Variants in TBC1D31 observed in about 807,000 individuals in gnomAD.
The protein encoded by TBC1D31 is TBC1 domain family member 31, also known as WD repeat domain 67.
In TBC1D31, 99 loss-of-function variants were observed where a neutral mutation model predicts 132.9. The observed-to-expected ratio is 0.74, with a 90% CI of 0.63 to 0.88. The LOEUF is 0.88. TBC1D31 is among the 40% of genes least tolerant of loss of function. The pLI is 0.00. For synonymous variants in TBC1D31, 385 were observed against 419.4 expected (o/e 0.92, Z 1.00); for missense variants, 1,134 against 1,256.6 (o/e 0.90, Z 1.48).
At chr8:123,108,714 C>T (rs1818172365) in intron 8 of TBC1D31, among the ~76,000 whole-genome samples, 1 of 152,110 alleles carries the variant, frequency 6.6e-6, no homozygotes, top group Non-Finnish European at 1.5e-5. Flanking sequence ...TTCACACTGC[C>T]ATAAAGAATA....
At chr8:123,141,866 T>C (rs1323362306) in intron 18 of TBC1D31, among the ~76,000 whole-genome samples, 2 of 137,896 alleles carry the variant, frequency 1.5e-5, no homozygotes, top group African/African-American at 5.6e-5. Flanking sequence ...TTTTTTTTTT[T>C]TTTTTTTTTG....
intron 6 of TBC1D31, among the ~76,000 whole-genome samples, chr8:123,100,484 G>A (rs1430792914): frequency 6.6e-6 from 1 of 152,072 alleles, no homozygotes; most frequent in Non-Finnish European, 1.5e-5. Context: ...GGTGAGGCTG[G>A]AGAATTGCTT....
the TBC1D31 span, among the ~76,000 whole-genome samples, chr8:123,161,663 AC>A: frequency 6.6e-6 from 1 of 152,200 alleles, no homozygotes; most frequent in South Asian, 2.1e-4. Context: ...AGACGTAATT[AC>A]CAGTGTATGT....
the TBC1D31 span, among the ~76,000 whole-genome samples, chr8:123,161,740 G>A: frequency 3.3e-5 from 5 of 152,002 alleles, no homozygotes; most frequent in African/African-American, 9.7e-5. Flanking sequence ...CAATGGGCCC[G>A]GTGCATTGGC....
intron 7 of TBC1D31, chr8:123,102,405 T>A (rs1234809478): frequency 5.6e-6 from 2 of 358,230 alleles, no homozygotes; most frequent in South Asian, 2.2e-5. Context: ...TTTTGTTTTA[T>A]CTTTTAAAAA....
rs140155935 is a variant in TBC1D31 at position 123,111,408 on chromosome 8, T to C, written c.1436+1788T>C. Among the ~76,000 whole-genome samples, 574 of 152,300 alleles carry C rather than the reference T, an allele frequency of 3.8e-3. 2 individuals carry two copies. Among genetic ancestry groups the C allele is most frequent in the African/African-American group, 0.013 (556 of 41,564 alleles). On this transcript the variant is annotated intron_variant, in intron 10 of 21. Transcript: ENST00000287380. ...AGTTAAATGCTTGGTATCTTTTTTT[T>C]TAAACAGTTTTCAGAATAGTAAACT...
intron 5 of TBC1D31, among the ~76,000 whole-genome samples, chr8:123,094,024 T>G (rs1816609932): frequency 6.6e-6 from 1 of 152,086 alleles, no homozygotes; most frequent in Non-Finnish European, 1.5e-5. Context: ...CCACTAAATA[T>G]TTCCATAAGC....
chr8:123,086,362 G>A (rs941716030), intron 4 of TBC1D31, among the ~76,000 whole-genome samples: 1 of 152,168 alleles, frequency 6.6e-6, no homozygotes, highest in Non-Finnish European at 1.5e-5. Flanking sequence ...CCTCAATGAA[G>A]TAGGCAGTGT....
At position 123,084,362 on chromosome 8, in the gene TBC1D31, G is replaced by A. The variant is rs1485126757; in HGVS notation, c.519+22G>A. The A allele has an allele frequency of 4.2e-5, 67 of 1,609,010 alleles. No homozygotes were observed. In the East Asian group the frequency reaches 1.5e-3, roughly 35 times the overall value. ...GAAGGTCAGTGAGGGGGTACATCTT[G>A]GTCTGTTGTGCTTCTCGGGCTAATT... On this transcript the variant is annotated intron_variant, in intron 4 of 21. Transcript: ENST00000287380.
intron 18 of TBC1D31, among the ~76,000 whole-genome samples, chr8:123,141,126 A>C (rs1563752577): frequency 6.6e-6 from 1 of 152,362 alleles, no homozygotes. Flanking sequence ...GTTTGAGGAA[A>C]TACAAAGGAA....
At chr8:123,149,899 C>G (rs559474066) in intron 20 of TBC1D31, 137 bp from the exon 21 acceptor site, 1 of 564,738 alleles carries the variant, frequency 1.8e-6, no homozygotes, top group South Asian at 3.0e-5. Context: ...GAATGTTGAC[C>G]GCATTCTTCT....
At chr8:123,139,610 T>C (rs192150585) in intron 17 of TBC1D31, among the ~76,000 whole-genome samples, 17 of 152,336 alleles carry the variant, frequency 1.1e-4, no homozygotes, top group Non-Finnish European at 2.1e-4. Context: ...TTCCTGGTTA[T>C]GCAAAACCTC....
At position 123,100,971 on chromosome 8, in the gene TBC1D31, A is replaced by C. The variant is rs778025071; in HGVS notation, c.996A>C (p.Ile332=). The C allele has an allele frequency of 4.6e-5, 75 of 1,613,808 alleles. No individual in the cohort carries two copies. Among genetic ancestry groups the C allele is most frequent in the Middle Eastern group, 1.6e-4 (1 of 6,082 alleles). The change falls in exon 7 of 22, where the codon ATA becomes ATC. Residue 332 remains isoleucine, a synonymous_variant. Coordinates refer to ENST00000287380, the MANE Select transcript of TBC1D31 (RefSeq NM_145647.4). ...ASIMENGSLN[I]YSVQALTQEI... is the part of the protein sequence containing the mutation. The stretch of plus-strand genomic sequence containing the variant: ...TTATGGAAAATGGAAGTCTAAACAT[A>C]TATTCAGTTCAGGCTTTAACACAAG...
chr8:123,145,649 C>G (rs915598705), intron 20 of TBC1D31, among the ~76,000 whole-genome samples: 4 of 150,986 alleles, frequency 2.6e-5, no homozygotes, highest in African/African-American at 9.8e-5. Flanking sequence ...TATTATCACA[C>G]CACTGAACTC....
intron 20 of TBC1D31, among the ~76,000 whole-genome samples, chr8:123,146,830 G>A (rs376794974): frequency 2.0e-5 from 3 of 151,924 alleles, no homozygotes; most frequent in African/African-American, 7.3e-5. Flanking sequence ...GACTACAGGC[G>A]CATGCCACCA....
chr8:123,077,533 A>ATTTTTTTTTTTTTTTT (rs33948089), intron 2 of TBC1D31, among the ~76,000 whole-genome samples: 2 of 143,482 alleles, frequency 1.4e-5, no homozygotes, highest in Non-Finnish European at 1.5e-5. Context: ...ATTATTGCTA[A>ATTTTTTTTTTTTTTTT]TTTTTTTTTT....
intron 10 of TBC1D31, among the ~76,000 whole-genome samples, chr8:123,118,465 C>T (rs185921365): frequency 3.6e-4 from 54 of 152,066 alleles, no homozygotes; most frequent in Admixed American, 6.5e-4. Context: ...GAATTATAAT[C>T]CCAGAGGTAA....
chr8:123,097,628 T>A, intron 6 of TBC1D31, 187 bp downstream of exon 6: 1 of 531,132 alleles, frequency 1.9e-6, no homozygotes, highest in Non-Finnish European at 3.1e-6. Flanking sequence ...TTTATACCAT[T>A]GACAATTTGC....
At chr8:123,155,591 G>A (rs1029952730), downstream of TBC1D31, among the ~76,000 whole-genome samples, 17 of 152,130 alleles carry the variant, frequency 1.1e-4, no homozygotes, top group Admixed American at 5.9e-4. The surrounding 1 kb of genome is among the most constrained non-coding windows in gnomAD (Gnocchi z 4.1). Flanking sequence ...AAACTGACTC[G>A]AGTCATCACC....
Sources: gnomAD v4.1 joint callset for allele counts (sites outside exome capture counted in the v4.1 genomes callset) on GRCh38, gnomAD v4.1.1 for gene constraint, Gnocchi (gnomAD v3.1) non-coding constraint, MANE v1.5 for transcripts, NCBI Gene and HGNC (gene_info 2026-07-23, HGNC 2026-07-21) for gene names.